The following OR51B5 variants were observed in gnomAD, a reference collection of about 807,000 sequenced individuals.
The protein encoded by OR51B5 is olfactory receptor 51B5.
For synonymous variants in OR51B5, 186 were observed against 144.8 expected (o/e 1.28, Z -2.04); for missense variants, 456 against 374.6 (o/e 1.22, Z -1.79).
intron 1 of OR51B5, among the ~76,000 whole-genome samples, chr11:5,408,946 T>G (rs1850102735): frequency 6.6e-6 from 1 of 152,088 alleles, no homozygotes; most frequent in African/African-American, 2.4e-5. Flanking sequence ...AACACCCTCC[T>G]AATTCCAAAT....
upstream of OR51B5, among the ~76,000 whole-genome samples, chr11:5,344,615 G>C (rs1848961635): frequency 6.6e-6 from 1 of 152,114 alleles, no homozygotes; most frequent in Non-Finnish European, 1.5e-5. Flanking sequence ...CTTGCATATA[G>C]ACATGGTGTT....
At chr11:5,343,962 C>T (rs909528636), upstream of OR51B5, among the ~76,000 whole-genome samples, 24 of 152,300 alleles carry the variant, frequency 1.6e-4, no homozygotes, top group Non-Finnish European at 3.5e-4. Flanking sequence ...GTAGTGATCC[C>T]TAATCCACAT....
intron 1 of OR51B5, among the ~76,000 whole-genome samples, chr11:5,475,112 G>A (rs1209938618): frequency 1.3e-5 from 2 of 152,130 alleles, no homozygotes; most frequent in Non-Finnish European, 2.9e-5. Flanking sequence ...CAGTCCTACA[G>A]TCACTCTCTA....
At chr11:5,474,552 T>C (rs932354273) in intron 1 of OR51B5, among the ~76,000 whole-genome samples, 3 of 152,172 alleles carry the variant, frequency 2.0e-5, no homozygotes, top group African/African-American at 7.2e-5. Context: ...ACACGAAATT[T>C]TTGAATTTTG....
chr11:5,468,040 G>A (rs1218680166), intron 1 of OR51B5, among the ~76,000 whole-genome samples: 1 of 152,296 alleles, frequency 6.6e-6, no homozygotes, highest in Non-Finnish European at 1.5e-5. Context: ...CATGGTCACA[G>A]CTATTACATA....
At chr11:5,465,444 T>C (rs1309054409) in intron 1 of OR51B5, among the ~76,000 whole-genome samples, 1 of 151,986 alleles carries the variant, frequency 6.6e-6, no homozygotes. Context: ...CTTCACAGAA[T>C]TGGAAAAAAC....
intron 1 of OR51B5, among the ~76,000 whole-genome samples, chr11:5,395,971 A>C (rs2133735645): frequency 6.6e-6 from 1 of 152,362 alleles, no homozygotes; most frequent in East Asian, 1.9e-4. Context: ...TTGCATATGA[A>C]TGGCTCTCTA....
chr11:5,408,185 T>G (rs1850088587), intron 1 of OR51B5, among the ~76,000 whole-genome samples: 1 of 152,138 alleles, frequency 6.6e-6, no homozygotes. Flanking sequence ...AGCTGCTTCA[T>G]CCATCTATAA....
intron 1 of OR51B5, among the ~76,000 whole-genome samples, chr11:5,388,481 A>G (rs1002238924): frequency 3.3e-5 from 5 of 150,696 alleles, no homozygotes; most frequent in Non-Finnish European, 7.4e-5. Context: ...GATTAAGGGA[A>G]AGCTATTTCA....
chr11:5,489,547 G>A (rs780455004), intron 1 of OR51B5: 2 of 1,613,968 alleles, frequency 1.2e-6, no homozygotes, highest in Middle Eastern at 1.7e-4. Context: ...CATCTTTCTG[G>A]CTAATCTCTA....
chr11:5,398,399 T>C (rs1001068359), intron 1 of OR51B5, among the ~76,000 whole-genome samples: 1 of 152,136 alleles, frequency 6.6e-6, no homozygotes, highest in Non-Finnish European at 1.5e-5. Flanking sequence ...TCCCCATTAC[T>C]CTACTCCTAG....
At chr11:5,500,827 C>A (rs1846282598) in intron 1 of OR51B5, among the ~76,000 whole-genome samples, 1 of 148,104 alleles carries the variant, frequency 6.8e-6, no homozygotes, top group African/African-American at 2.4e-5. Context: ...GCCTCCACCT[C>A]CCTGAATATG....
upstream of OR51B5, among the ~76,000 whole-genome samples, chr11:5,345,557 C>A (rs1848977853): frequency 2.0e-5 from 3 of 152,254 alleles, no homozygotes; most frequent in South Asian, 6.2e-4. Context: ...GATACATATT[C>A]ACTTGTGAGG....
At chr11:5,370,566 G>C (rs1849432380) in intron 1 of OR51B5, among the ~76,000 whole-genome samples, 1 of 151,898 alleles carries the variant, frequency 6.6e-6, no homozygotes, top group Admixed American at 6.6e-5. Context: ...CACTCTTTCT[G>C]TGTTTAGAAA....
rs116998263 is a variant in OR51B5 at position 5,488,536 on chromosome 11, A to G, written n.84+17033T>C. 2.4e-3 allele frequency: 1,442 copies of G among 596,018 alleles called. 4 individuals are homozygous for G. Among genetic ancestry groups the G allele is most frequent in the Non-Finnish European group, 3.6e-3 (1,209 of 336,758 alleles). The allele number at this position is 596,018 out of a possible 1,614,324, so 36.9% of individuals were successfully genotyped here. A position where few individuals can be genotyped will look rare whatever the true frequency, so the allele number is the denominator to read the frequency against. Reference sequence around the variant, plus strand: ...TTAGCAGAAGGTTTTAAAATGAATTATATGTGGTAGTCATTTCAGATGTTT... The same window carrying G: ...TTAGCAGAAGGTTTTAAAATGAATTGTATGTGGTAGTCATTTCAGATGTTT... On this transcript the variant is annotated intron_variant and non_coding_transcript_variant, in intron 1 of 4. Transcript: ENST00000415970.
At chr11:5,396,080 A>C (rs1849865526) in intron 1 of OR51B5, among the ~76,000 whole-genome samples, 1 of 152,212 alleles carries the variant, frequency 6.6e-6, no homozygotes, top group Admixed American at 6.5e-5. Flanking sequence ...TATTGAAGTT[A>C]TGATTGTAAT....
At chr11:5,373,452 C>T (rs540154278) in intron 1 of OR51B5, among the ~76,000 whole-genome samples, 112 of 152,206 alleles carry the variant, frequency 7.4e-4, no homozygotes, top group African/African-American at 2.4e-3. Flanking sequence ...GGGTTCATCT[C>T]GCTAGGGAGT....
At chr11:5,439,167 G>T (rs1850636845) in intron 1 of OR51B5, among the ~76,000 whole-genome samples, 1 of 151,944 alleles carries the variant, frequency 6.6e-6, no homozygotes. Flanking sequence ...GAGTTTGCCT[G>T]AATTTTCAAT....
intron 1 of OR51B5, among the ~76,000 whole-genome samples, chr11:5,384,468 C>G (rs542333117): frequency 1.3e-5 from 2 of 152,202 alleles, no homozygotes; most frequent in Non-Finnish European, 2.9e-5. Flanking sequence ...AGGACCTTCT[C>G]TTGCTGGAAA....
Sources: gnomAD v4.1 joint callset for allele counts (sites outside exome capture counted in the v4.1 genomes callset) on GRCh38, gnomAD v4.1.1 for gene constraint, MANE v1.5 for transcripts, NCBI Gene and HGNC (gene_info 2026-07-23, HGNC 2026-07-21) for gene names.